WASL: variants seen among roughly 807,000 people sequenced by gnomAD.
WASL encodes WASP like actin nucleation promoting factor, also known as actin nucleation-promoting factor WASL.
In WASL, 20 loss-of-function variants were observed where a neutral mutation model predicts 55.5. The observed-to-expected ratio is 0.36, with a 90% CI of 0.25 to 0.52. The LOEUF (loss-of-function observed/expected upper bound fraction) is 0.52. Ranked by LOEUF, WASL falls within the 20% of genes least tolerant of loss-of-function variation. The pLI is 0.92. For missense variants in WASL, 504 were observed against 622.5 expected (o/e 0.81, Z 2.03); for synonymous variants, 249 against 217.6 (o/e 1.14, Z -1.27).
intron 1 of WASL, among the ~76,000 whole-genome samples, chr7:123,728,969 T>A (rs995348701): frequency 6.6e-6 from 1 of 152,166 alleles, no homozygotes; most frequent in African/African-American, 2.4e-5. Flanking sequence ...ACTTCTTCAA[T>A]AATTCATGTA....
intron 1 of WASL, among the ~76,000 whole-genome samples, chr7:123,737,596 C>CAAAA (rs34669724): frequency 0.36 from 25,934 of 71,350 alleles, 2,270 homozygotes; most frequent in South Asian, 0.52. Context: ...CTCCGTCTCC[C>CAAAA]AAAAAAAAAA....
intron 1 of WASL, among the ~76,000 whole-genome samples, chr7:123,710,361 AT>A (rs1803735576): frequency 6.6e-6 from 1 of 151,828 alleles, no homozygotes; most frequent in Non-Finnish European, 1.5e-5. Flanking sequence ...ATAGGAGCTG[AT>A]TAAGTAATTA....
intron 1 of WASL, among the ~76,000 whole-genome samples, chr7:123,728,198 C>G (rs1463386675): frequency 6.6e-6 from 1 of 152,098 alleles, no homozygotes; most frequent in Non-Finnish European, 1.5e-5. Context: ...AATAAAAAAA[C>G]TCACATTTGT....
intron 1 of WASL, among the ~76,000 whole-genome samples, chr7:123,739,554 T>C (rs918144993): frequency 2.6e-5 from 4 of 152,218 alleles, no homozygotes; most frequent in Non-Finnish European, 2.9e-5. Flanking sequence ...TTCAACACTT[T>C]ATTATAAAAT....
intron 5 of WASL, among the ~76,000 whole-genome samples, chr7:123,700,190 AAAAAAAAAAAAAAAAAAC>A (rs1234892129): frequency 2.0e-5 from 3 of 147,262 alleles, no homozygotes; most frequent in Non-Finnish European, 4.5e-5. Flanking sequence ...AAAAAAAAAA[AAAAAAAAAAAAAAAAAAC>A]AACATTATTT....
In WASL at chr7:123,692,521, C is replaced by T. The variant is rs1199917898; in HGVS notation, c.1173G>A (p.Leu391=). Residue 391 remains leucine (L), a synonymous_variant, in exon 9 of 11, where the codon CTG becomes CTA. Coordinates refer to ENST00000223023, the MANE Select transcript of WASL (RefSeq NM_003941.4). ...PPPGPPPPPG[L]PSDGDHQVPT... is the part of the protein sequence containing the mutation. ...GAACCTGATGGTCCCCATCAGAAGG[C>T]AGGCCAGGCGGGGGCGGTGGCCCAG... 1.9e-6 allele frequency: 3 copies of T among 1,613,930 alleles called. No homozygotes were observed. The highest frequency in any genetic ancestry group is 1.7e-5 in the Admixed American group (1 of 60,000).
At chr7:123,718,524 G>A (rs1036236795) in intron 1 of WASL, among the ~76,000 whole-genome samples, 1 of 152,154 alleles carries the variant, frequency 6.6e-6, no homozygotes, top group African/African-American at 2.4e-5. Flanking sequence ...CTGGAAGGAG[G>A]AGAGTCTTCT....
intron 5 of WASL, among the ~76,000 whole-genome samples, chr7:123,700,175 C>CAAAAA (rs1168168286): frequency 4.4e-4 from 21 of 47,350 alleles, no homozygotes; most frequent in African/African-American, 1.3e-3. Flanking sequence ...AACTCCGTCT[C>CAAAAA]AAAAAAAAAA....
intron 1 of WASL, among the ~76,000 whole-genome samples, chr7:123,745,266 C>G (rs1804412513): frequency 6.6e-6 from 1 of 152,084 alleles, no homozygotes; most frequent in African/African-American, 2.4e-5. Context: ...TACTATAAAT[C>G]AACTATCTGA....
chr7:123,687,824 T>C (rs1313797271), intron 10 of WASL, among the ~76,000 whole-genome samples: 1 of 151,960 alleles, frequency 6.6e-6, no homozygotes, highest in African/African-American at 2.4e-5. Flanking sequence ...TAATGGAGGG[T>C]AGGTACAAAT....
chr7:123,715,151 T>C (rs1803819319), intron 1 of WASL, among the ~76,000 whole-genome samples: 1 of 152,230 alleles, frequency 6.6e-6, no homozygotes, highest in African/African-American at 2.4e-5. Flanking sequence ...GTAATGGCCC[T>C]TGATTCAAGT....
chr7:123,744,673 C>T (rs1804401081), intron 1 of WASL, among the ~76,000 whole-genome samples: 2 of 152,050 alleles, frequency 1.3e-5, no homozygotes, highest in Admixed American at 6.5e-5. Flanking sequence ...GCTGTAGAGA[C>T]GTAGTTTAAT....
chr7:123,726,828 T>C (rs769106636), intron 1 of WASL, among the ~76,000 whole-genome samples: 6 of 152,110 alleles, frequency 3.9e-5, no homozygotes, highest in Non-Finnish European at 7.4e-5. Flanking sequence ...AATGCACCAC[T>C]GCACTCCAGC....
At chr7:123,706,132 C>CA (rs1803665927) in intron 4 of WASL, 145 bp downstream of exon 4, 1 of 743,674 alleles carries the variant, frequency 1.3e-6, no homozygotes, top group Non-Finnish European at 2.1e-6. Flanking sequence ...TGTGTTGTGA[C>CA]AAAAAATAGC....
intron 3 of WASL, 126 bp from the exon 4 acceptor site, chr7:123,706,499 C>A: frequency 1.1e-6 from 1 of 923,214 alleles, no homozygotes; most frequent in Non-Finnish European, 1.6e-6. Flanking sequence ...GCAGATAAGA[C>A]ATTATTTTAT....
Position 123,685,125 on chromosome 7 carries a change from C to T in WASL, c.1457-545G>A, listed in dbSNP as rs577811363. ...ACTGCTACTCTCCACACCACCATCA[C>T]ATCCTGCTTGGATTATTGCAACTCT... On this transcript the variant is annotated intron_variant, in intron 10 of 10. Transcript: ENST00000223023. Among the ~76,000 whole-genome samples, 4 of 152,026 alleles carry T rather than the reference C, an allele frequency of 2.6e-5. No homozygotes were observed. The East Asian group carries it at 7.7e-4, about 29-fold the overall frequency.
chr7:123,743,336 CAA>C (rs35592197), intron 1 of WASL, among the ~76,000 whole-genome samples: 18 of 106,186 alleles, frequency 1.7e-4, no homozygotes, highest in Middle Eastern at 6.2e-3. Context: ...GACTCTGTCT[CAA>C]AAAAAAAAAA....
At chr7:123,700,057 T>C (rs1241873112) in intron 5 of WASL, among the ~76,000 whole-genome samples, 1 of 150,764 alleles carries the variant, frequency 6.6e-6, no homozygotes, top group African/African-American at 2.4e-5. Context: ...GCGCCTGTAG[T>C]CCCAGCTACA....
chr7:123,715,665 A>C (rs192827772), intron 1 of WASL, among the ~76,000 whole-genome samples: 76 of 152,298 alleles, frequency 5.0e-4, no homozygotes, highest in African/African-American at 1.7e-3. Context: ...CCATTTAAAA[A>C]ATCACTTTAT....
Sources: gnomAD v4.1 joint callset for allele counts (sites outside exome capture counted in the v4.1 genomes callset) on GRCh38, gnomAD v4.1.1 for gene constraint, MANE v1.5 for transcripts, NCBI Gene and HGNC (gene_info 2026-07-23, HGNC 2026-07-21) for gene names.